The following ATF3 variants were observed in gnomAD, a reference collection of about 807,000 sequenced individuals.
ATF3 encodes the protein cyclic AMP-dependent transcription factor ATF-3.
In ATF3, 10 loss-of-function variants were observed where a neutral mutation model predicts 18.4. The ratio of observed to expected loss-of-function variants is 0.54; its 90% CI spans 0.34 to 0.92. The LOEUF (loss-of-function observed/expected upper bound fraction) is 0.92. ATF3 is among the 40% of genes least tolerant of loss of function. The pLI, the probability that ATF3 is intolerant of heterozygous loss-of-function variation, is 0.02. For missense variants in ATF3, 183 were observed against 222.3 expected (o/e 0.82, Z 1.12); for synonymous variants, 78 against 87.9 (o/e 0.89, Z 0.63).
At chr1:212,585,628 G>A (rs183270176) in intron 1 of ATF3, among the ~76,000 whole-genome samples, 1 of 152,328 alleles carries the variant, frequency 6.6e-6, no homozygotes, top group East Asian at 1.9e-4. Context: ...GTGCAAAACT[G>A]TAATCGATTA....
At chr1:212,581,949 G>A (rs1002726422) in intron 1 of ATF3, among the ~76,000 whole-genome samples, 1 of 152,140 alleles carries the variant, frequency 6.6e-6, no homozygotes, top group Non-Finnish European at 1.5e-5. Flanking sequence ...TATAAAAAAA[G>A]CAATTCATAA....
chr1:212,613,294 C>T (rs893486467), intron 1 of ATF3: 24 of 152,174 alleles, frequency 1.6e-4, no homozygotes, highest in Admixed American at 1.6e-3. Context: ...ACCTTAAGGC[C>T]TGCCCCGAGA....
chr1:212,600,401 A>G (rs1162993804), intron 1 of ATF3, among the ~76,000 whole-genome samples: 1 of 152,230 alleles, frequency 6.6e-6, no homozygotes, highest in African/African-American at 2.4e-5. Flanking sequence ...ACTCCTGCTC[A>G]GCAATTGCCT....
At chr1:212,585,738 GGT>G (rs1226294231) in intron 1 of ATF3, among the ~76,000 whole-genome samples, 2 of 152,132 alleles carry the variant, frequency 1.3e-5, no homozygotes, top group Non-Finnish European at 2.9e-5. Flanking sequence ...GATCATTTCT[GGT>G]TATCGACCTA....
At chr1:212,588,235 G>A (rs1261875527) in intron 1 of ATF3, among the ~76,000 whole-genome samples, 1 of 152,106 alleles carries the variant, frequency 6.6e-6, no homozygotes, top group Non-Finnish European at 1.5e-5. Flanking sequence ...ATGAAAACAA[G>A]GGGATTAATT....
intron 1 of ATF3, among the ~76,000 whole-genome samples, chr1:212,610,476 T>G (rs2102650849): frequency 6.6e-6 from 1 of 152,298 alleles, no homozygotes; most frequent in South Asian, 2.1e-4. Flanking sequence ...GAGGATATCC[T>G]GGGCAAAGAT....
chr1:212,606,119 C>T (rs900982296), upstream of ATF3, among the ~76,000 whole-genome samples: 4 of 152,218 alleles, frequency 2.6e-5, no homozygotes, highest in African/African-American at 9.6e-5. Context: ...GATCACTCTC[C>T]TGTGGCAAAG....
At chr1:212,605,036 A>G (rs763584939), upstream of ATF3, among the ~76,000 whole-genome samples, 2 of 152,174 alleles carry the variant, frequency 1.3e-5, no homozygotes, top group Non-Finnish European at 2.9e-5. Flanking sequence ...GACAAGTGAT[A>G]CTGAATGAGT....
chr1:212,618,267 C>T lies in ATF3; in HGVS notation c.348+33C>T, dbSNP rs762936773. The T allele has an allele frequency of 9.4e-6, 15 of 1,598,808 alleles. No homozygotes were observed. The Admixed American group carries it at 1.3e-4, about 14-fold the overall frequency. On this transcript the variant is annotated intron_variant, in intron 3 of 3. Coordinates refer to ENST00000341491, the MANE Select transcript of ATF3 (RefSeq NM_001674.4). This position sits in a 1 kb window ranked among gnomAD's most constrained non-coding sequence, Gnocchi z 4.4. ...CCTTCTAGCCTTACCCTTCCTCTCGCTCACGCCTGTCTTCACCAGCTTCAT... is the reference window on the plus strand; with the variant it reads ...CCTTCTAGCCTTACCCTTCCTCTCGTTCACGCCTGTCTTCACCAGCTTCAT...
In ATF3 at chr1:212,583,336, G is replaced by A. The variant is rs574889071; in HGVS notation, c.-5+17853G>A. ...CACTCTGGAACCCCTGGGCTCAAGT[G>A]ATCCTCCTGTTTCAGCCTCCCGAGT... On this transcript the variant is annotated intron_variant, in intron 1 of 3. Coordinates refer to the ATF3 transcript ENST00000366981. 3.1e-3 allele frequency among the ~76,000 whole-genome samples: 468 copies of A among 152,242 alleles called. 4 individuals carry two copies. Among genetic ancestry groups the A allele is most frequent in the African/African-American group, 0.01 (435 of 41,530 alleles).
At chr1:212,579,006 CTTTT>C (rs10565752) in intron 1 of ATF3, among the ~76,000 whole-genome samples, 15 of 84,540 alleles carry the variant, frequency 1.8e-4, no homozygotes, top group East Asian at 3.2e-4. Flanking sequence ...TCTCTGGAGA[CTTTT>C]TTTTTTTTTT....
chr1:212,600,994 A>G (rs529179696), intron 1 of ATF3, among the ~76,000 whole-genome samples: 12 of 152,296 alleles, frequency 7.9e-5, no homozygotes, highest in Non-Finnish European at 1.6e-4. Context: ...ATGCTCTTAT[A>G]TTGTCCTTGT....
At chr1:212,603,776 A>ATATATATATGTGTGTG (rs1553303457), upstream of ATF3, among the ~76,000 whole-genome samples, 1 of 149,486 alleles carries the variant, frequency 6.7e-6, no homozygotes, top group Non-Finnish European at 1.5e-5. Context: ...GTGTATATAT[A>ATATATATATGTGTGTG]TGTGTGTGTG....
chr1:212,607,198 A>C (rs1347103606), upstream of ATF3, among the ~76,000 whole-genome samples: 1 of 152,162 alleles, frequency 6.6e-6, no homozygotes, highest in Non-Finnish European at 1.5e-5. Flanking sequence ...TGGGGACTTC[A>C]AGTGAGACCC....
intron 1 of ATF3, among the ~76,000 whole-genome samples, chr1:212,590,992 T>A (rs886107732): frequency 2.0e-5 from 3 of 152,238 alleles, no homozygotes; most frequent in African/African-American, 7.2e-5. Flanking sequence ...CCTCTCAGTT[T>A]GTTGAAAGAA....
At chr1:212,573,702 A>T (rs908116164) in intron 1 of ATF3, among the ~76,000 whole-genome samples, 2 of 151,994 alleles carry the variant, frequency 1.3e-5, no homozygotes, top group Admixed American at 1.3e-4. Context: ...CTAGGCCTAG[A>T]CACATTTTTT....
chr1:212,607,043 G>A (rs1228312679), upstream of ATF3, among the ~76,000 whole-genome samples: 3 of 152,074 alleles, frequency 2.0e-5, no homozygotes, highest in Admixed American at 2.0e-4. Context: ...GATCTCGGAG[G>A]ATCCCGCGTG....
At chr1:212,602,096 A>G (rs1362225596) in intron 1 of ATF3, among the ~76,000 whole-genome samples, 2 of 151,134 alleles carry the variant, frequency 1.3e-5, no homozygotes, top group South Asian at 2.1e-4. Flanking sequence ...AGGTTATAAG[A>G]CCTTCTTAAA....
chr1:212,591,947 C>T (rs1053510665), intron 1 of ATF3, among the ~76,000 whole-genome samples: 10 of 152,084 alleles, frequency 6.6e-5, no homozygotes, highest in African/African-American at 1.2e-4. Flanking sequence ...TCATAGGCAT[C>T]GCAGAGTATG....
Sources: allele counts gnomAD v4.1 joint callset (sites outside exome capture counted in the v4.1 genomes callset), GRCh38; gene constraint gnomAD v4.1.1; non-coding constraint Gnocchi (gnomAD v3.1); transcripts MANE v1.5; gene names NCBI Gene and HGNC (gene_info 2026-07-23, HGNC 2026-07-21).